The following CSMD1 variants were observed in gnomAD, a reference collection of about 807,000 sequenced individuals.
The protein encoded by CSMD1 is CUB and Sushi multiple domains 1.
A neutral mutation model predicts 417.5 loss-of-function variants in CSMD1; 213 were observed. The ratio of observed to expected loss-of-function variants is 0.51; its 90% CI spans 0.46 to 0.57. The LOEUF (loss-of-function observed/expected upper bound fraction) is 0.57. Ranked by LOEUF, CSMD1 falls within the 20% of genes least tolerant of loss-of-function variation. The pLI, the probability that CSMD1 is intolerant of heterozygous loss-of-function variation, is 0.00. For missense variants in CSMD1, 6,923 were observed against 4,529.7 expected, an observed-to-expected ratio of 1.53 and a Z score of -15.17; for synonymous variants, 2,862 against 1,736.8, an observed-to-expected ratio of 1.65 and a Z score of -16.11.
chr8:4,331,717 C>T (rs1231203679), intron 3 of CSMD1, among the ~76,000 whole-genome samples: 2 of 152,154 alleles, frequency 1.3e-5, no homozygotes, highest in Non-Finnish European at 2.9e-5. Flanking sequence ...TTCCTAAAGG[C>T]TTCACAATGA....
intron 6 of CSMD1, among the ~76,000 whole-genome samples, chr8:3,723,928 T>A (rs4454300): frequency 1.3e-5 from 2 of 151,640 alleles, no homozygotes; most frequent in African/African-American, 4.8e-5. Context: ...TTCCATTTTG[T>A]AGCTAACTTT....
chr8:3,445,994 T>C (rs1170627625), intron 12 of CSMD1, among the ~76,000 whole-genome samples: 1 of 151,964 alleles, frequency 6.6e-6, no homozygotes, highest in Non-Finnish European at 1.5e-5. Context: ...GAGAAGGGAA[T>C]GTAATGGAAA....
intron 5 of CSMD1, among the ~76,000 whole-genome samples, chr8:3,972,675 G>C (rs1338363740): frequency 2.0e-5 from 3 of 152,338 alleles, no homozygotes; most frequent in Admixed American, 6.5e-5. Flanking sequence ...ATTATGACCA[G>C]TGTTAGCATG....
chr8:3,752,945 T>C (rs1481736887), intron 6 of CSMD1, among the ~76,000 whole-genome samples: 1 of 152,204 alleles, frequency 6.6e-6, no homozygotes, highest in East Asian at 1.9e-4. Context: ...ACCAGTTTGT[T>C]GAAAAATTAC....
chr8:4,195,792 G>C (rs1799301639), intron 3 of CSMD1, among the ~76,000 whole-genome samples: 1 of 152,130 alleles, frequency 6.6e-6, no homozygotes, highest in South Asian at 2.1e-4. Context: ...ACCTGAATGA[G>C]CTTGGATGCA....
chr8:4,504,570 C>G (rs1802423817), intron 2 of CSMD1, among the ~76,000 whole-genome samples: 1 of 151,992 alleles, frequency 6.6e-6, no homozygotes, highest in African/African-American at 2.4e-5. Context: ...ACCTATCAAC[C>G]CATCATCTAG....
intron 1 of CSMD1, among the ~76,000 whole-genome samples, chr8:4,908,978 G>A (rs1489212935): frequency 6.6e-6 from 1 of 152,116 alleles, no homozygotes; most frequent in Non-Finnish European, 1.5e-5. Context: ...CATGCCCCGT[G>A]CTTTTTCTCG....
intron 6 of CSMD1, among the ~76,000 whole-genome samples, chr8:3,736,504 C>A (rs538092605): frequency 2.0e-5 from 3 of 152,172 alleles, no homozygotes; most frequent in Non-Finnish European, 4.4e-5. Context: ...CTCAGCTTCC[C>A]AAATTGCTGG....
At chr8:4,430,458 A>T (rs10503263) in intron 2 of CSMD1, among the ~76,000 whole-genome samples, 12,982 of 152,174 alleles carry the variant, frequency 0.085, 778 homozygotes, top group Non-Finnish European at 0.12. Flanking sequence ...TCATTTGGTT[A>T]TGGTGATTTA....
At chr8:4,461,953 G>C (rs1445928534) in intron 2 of CSMD1, among the ~76,000 whole-genome samples, 9 of 152,116 alleles carry the variant, frequency 5.9e-5, no homozygotes, top group Non-Finnish European at 1.5e-5. Context: ...ATGTTAGCCA[G>C]GATGGGCTCT....
chr8:3,321,311 C>T (rs1370816228), intron 23 of CSMD1, among the ~76,000 whole-genome samples: 2 of 152,244 alleles, frequency 1.3e-5, no homozygotes, highest in Non-Finnish European at 2.9e-5. Flanking sequence ...TGGTGATGCC[C>T]TCTGCACCAG....
At chr8:2,950,691 T>C (rs1475403017) in intron 66 of CSMD1, among the ~76,000 whole-genome samples, 1 of 152,152 alleles carries the variant, frequency 6.6e-6, no homozygotes. Flanking sequence ...AATGTAAGAA[T>C]GAAAATGATA....
chr8:4,044,439 T>A (rs1053206699), intron 3 of CSMD1, among the ~76,000 whole-genome samples: 2 of 152,076 alleles, frequency 1.3e-5, no homozygotes, highest in African/African-American at 4.8e-5. Context: ...TTCTTTACCA[T>A]AAAAGCTGCT....
At chr8:3,447,087 T>G (rs548113370) in intron 12 of CSMD1, among the ~76,000 whole-genome samples, 34 of 152,314 alleles carry the variant, frequency 2.2e-4, no homozygotes, top group African/African-American at 7.5e-4. Flanking sequence ...TGTTATATTT[T>G]GAGTACCTCA....
intron 41 of CSMD1, chr8:3,128,724 T>G (rs2129024996): frequency 2.6e-6 from 1 of 377,382 alleles, no homozygotes; most frequent in African/African-American, 2.1e-5. Context: ...TGTTCTCATT[T>G]ATTTGTATTA....
At chr8:4,572,592 G>C (rs767569038) in intron 2 of CSMD1, among the ~76,000 whole-genome samples, 40 of 152,194 alleles carry the variant, frequency 2.6e-4, no homozygotes, top group African/African-American at 9.2e-4. Flanking sequence ...ATGATTATGT[G>C]TCTTGGGGTT....
intron 5 of CSMD1, among the ~76,000 whole-genome samples, chr8:3,774,934 C>G (rs1798816944): frequency 6.6e-6 from 1 of 152,082 alleles, no homozygotes; most frequent in African/African-American, 2.4e-5. Context: ...TACTGACTGA[C>G]CAGCGAGACG....
chr8:3,581,676 C>T (rs1340121475), intron 9 of CSMD1, among the ~76,000 whole-genome samples: 2 of 152,134 alleles, frequency 1.3e-5, no homozygotes, highest in East Asian at 3.9e-4. Flanking sequence ...ATGTTCAGAC[C>T]AGGGGCATTT....
At chr8:4,701,902 C>T (rs1374081789) in intron 1 of CSMD1, among the ~76,000 whole-genome samples, 5 of 152,152 alleles carry the variant, frequency 3.3e-5, no homozygotes, top group African/African-American at 7.2e-5. Flanking sequence ...ATGTGGCACA[C>T]GTACACTGTG....
Sources: allele counts gnomAD v4.1 joint callset (sites outside exome capture counted in the v4.1 genomes callset), GRCh38; gene constraint gnomAD v4.1.1; transcripts MANE v1.5; gene names NCBI Gene and HGNC (gene_info 2026-07-23, HGNC 2026-07-21).